Variants in TUSC3 observed in about 807,000 individuals in gnomAD.
The protein encoded by TUSC3 is dolichyl-diphosphooligosaccharide--protein glycosyltransferase subunit TUSC3.
TUSC3 carries 45 observed loss-of-function variants against 44.8 expected under a neutral mutation model. The observed-to-expected ratio is 1.00, with a 90% CI of 0.79 to 1.29. TUSC3 has a LOEUF of 1.29. Ranked by LOEUF, TUSC3 falls within the 50% of genes most tolerant of loss-of-function variation. TUSC3 has a pLI of 0.00. For missense variants in TUSC3, 519 were observed against 437.9 expected (o/e 1.19, Z -1.65); for synonymous variants, 212 against 152.9 (o/e 1.39, Z -2.85).
At chr8:15,530,679 C>T (rs565005343) in intron 2 of TUSC3, among the ~76,000 whole-genome samples, 16 of 152,174 alleles carry the variant, frequency 1.1e-4, no homozygotes, top group East Asian at 3.9e-4. Context: ...TTCACCAGGA[C>T]GGAAACAAAC....
At chr8:15,596,697 G>A (rs1398146207) in intron 1 of TUSC3, among the ~76,000 whole-genome samples, 1 of 152,036 alleles carries the variant, frequency 6.6e-6, no homozygotes, top group African/African-American at 2.4e-5. Context: ...GATTTATAAA[G>A]AGGTGTTGAG....
At chr8:15,807,949 C>A in the TUSC3 span, among the ~76,000 whole-genome samples, 9 of 152,032 alleles carry the variant, frequency 5.9e-5, 1 homozygote, top group Non-Finnish European at 1.0e-4. Flanking sequence ...CATTTGCATC[C>A]CCAACCTTAG....
At chr8:15,846,275 C>A in the TUSC3 span, among the ~76,000 whole-genome samples, 2 of 152,178 alleles carry the variant, frequency 1.3e-5, no homozygotes, top group African/African-American at 4.8e-5. Context: ...ATATTCAACA[C>A]AAGTTCACAT....
At chr8:15,494,133 C>G (rs940895169) in intron 2 of TUSC3, among the ~76,000 whole-genome samples, 1 of 152,144 alleles carries the variant, frequency 6.6e-6, no homozygotes, top group Non-Finnish European at 1.5e-5. Flanking sequence ...TCCTCACAGT[C>G]TTTATTTGGC....
intron 2 of TUSC3, among the ~76,000 whole-genome samples, chr8:15,635,057 CTTT>C (rs34353325): frequency 6.7e-6 from 1 of 149,944 alleles, no homozygotes; most frequent in African/African-American, 2.5e-5. Flanking sequence ...TTTCCTAAGC[CTTT>C]TTTTTTTCCC....
chr8:15,550,506 T>G (rs1320838455), intron 1 of TUSC3, among the ~76,000 whole-genome samples: 4 of 151,546 alleles, frequency 2.6e-5, no homozygotes, highest in African/African-American at 9.7e-5. Context: ...ATACCAGAGT[T>G]TGTGTTATTG....
At chr8:15,683,038 C>T (rs576688954) in intron 6 of TUSC3, among the ~76,000 whole-genome samples, 4 of 152,230 alleles carry the variant, frequency 2.6e-5, no homozygotes, top group Middle Eastern at 3.4e-3. Flanking sequence ...GATGAGGTTC[C>T]CTTCAGAGGT....
chr8:15,610,057 A>G (rs1048474939), intron 1 of TUSC3, among the ~76,000 whole-genome samples: 1 of 151,984 alleles, frequency 6.6e-6, no homozygotes, highest in African/African-American at 2.4e-5. Context: ...AACTATGTTT[A>G]TATGGTTTAA....
the TUSC3 span, among the ~76,000 whole-genome samples, chr8:15,777,862 G>A: frequency 3.9e-5 from 6 of 152,098 alleles, no homozygotes; most frequent in African/African-American, 1.4e-4. Context: ...TAAAAATTAA[G>A]GTTATCAATA....
chr8:15,502,489 G>A (rs187078838), intron 2 of TUSC3, among the ~76,000 whole-genome samples: 1 of 151,374 alleles, frequency 6.6e-6, no homozygotes, highest in East Asian at 2.1e-4. Context: ...ATATTTTCTT[G>A]TTTGTTTGTT....
intron 7 of TUSC3, among the ~76,000 whole-genome samples, chr8:15,735,564 A>G (rs1810892181): frequency 6.6e-6 from 1 of 152,202 alleles, no homozygotes; most frequent in African/African-American, 2.4e-5. Context: ...ACTTAGTAAT[A>G]TTTTGCCAAT....
rs557034262 is a variant in TUSC3, at chr8:15,677,094, C to A, written c.798+3258C>A. Among the ~76,000 whole-genome samples the A allele has an allele frequency of 3.3e-5, 5 of 152,084 alleles. No individual in the cohort carries two copies. The South Asian group carries it at 1.0e-3, about 31-fold the overall frequency. On this transcript the variant is annotated intron_variant, in intron 6 of 10. Coordinates refer to ENST00000503731, the MANE Select transcript of TUSC3 (RefSeq NM_006765.4). ...GGTGCAGTGGTACGATCATAGCTCACCGCAGCCTTGAACTCCTGGCTCAAG... is the reference window on the plus strand; with the variant it reads ...GGTGCAGTGGTACGATCATAGCTCAACGCAGCCTTGAACTCCTGGCTCAAG...
rs184798247 is a variant in TUSC3 at position 15,585,662 on chromosome 8, A to C, written c.139-37418A>C. 1.1e-3 allele frequency among the ~76,000 whole-genome samples: 166 copies of C among 152,112 alleles called. 1 individual carries two copies. Among genetic ancestry groups the C allele is most frequent in the Middle Eastern group, 0.01 (3 of 294 alleles). ...CACTCCCTATTGGTTTGTTCCCCTT[A>C]CTGTGGATGTTTTAGGGGATGGAAT... On this transcript the variant is annotated intron_variant, in intron 1 of 10. Coordinates refer to ENST00000503731, the MANE Select transcript of TUSC3 (RefSeq NM_006765.4).
At chr8:15,662,113 T>A in intron 4 of TUSC3, 43 bp from the exon 5 acceptor site, 1 of 1,595,178 alleles carries the variant, frequency 6.3e-7, no homozygotes, top group Non-Finnish European at 8.6e-7. Flanking sequence ...AAGAAAAATT[T>A]TATTTTTCTT....
chr8:15,831,802 T>C, the TUSC3 span, among the ~76,000 whole-genome samples: 1 of 152,018 alleles, frequency 6.6e-6, no homozygotes, highest in African/African-American at 2.4e-5. Flanking sequence ...TGTAAAGAGA[T>C]CAAATATATG....
At chr8:15,480,586 T>C (rs1800644976) in intron 1 of TUSC3, among the ~76,000 whole-genome samples, 1 of 152,206 alleles carries the variant, frequency 6.6e-6, no homozygotes. Flanking sequence ...AAAAATTATA[T>C]AGCCATGCCA....
intron 6 of TUSC3, among the ~76,000 whole-genome samples, chr8:15,679,127 C>G (rs951123739): frequency 6.6e-6 from 1 of 152,052 alleles, no homozygotes; most frequent in African/African-American, 2.4e-5. Flanking sequence ...TACCCAGTAA[C>G]GAGATTGCTA....
At chr8:15,719,520 A>AC (rs1810214006) in intron 6 of TUSC3, among the ~76,000 whole-genome samples, 1 of 15,458 alleles carries the variant, frequency 6.5e-5, no homozygotes, top group South Asian at 1.3e-3. Flanking sequence ...CACACACCAC[A>AC]CACACACACA....
chr8:15,825,829 A>T, the TUSC3 span, among the ~76,000 whole-genome samples: 1 of 148,072 alleles, frequency 6.8e-6, no homozygotes, highest in Non-Finnish European at 1.5e-5. Flanking sequence ...TCTTAACTGT[A>T]TGGTAATTCT....
Sources: allele counts gnomAD v4.1 joint callset (sites outside exome capture counted in the v4.1 genomes callset), GRCh38; gene constraint gnomAD v4.1.1; transcripts MANE v1.5; gene names NCBI Gene and HGNC (gene_info 2026-07-23, HGNC 2026-07-21).